The following CMIP variants were observed in gnomAD, a reference collection of about 807,000 sequenced individuals.
CMIP encodes the protein c-Maf inducing protein, also known as C-Maf-inducing protein.
A neutral mutation model predicts 97.3 loss-of-function variants in CMIP; 13 were observed. The observed-to-expected ratio is 0.13, with a 90% CI of 0.09 to 0.21. The LOEUF (loss-of-function observed/expected upper bound fraction) is 0.21. Ranked by LOEUF, CMIP falls within the 10% of genes least tolerant of loss-of-function variation. The pLI is 1.00. For synonymous variants in CMIP, 538 were observed against 436.3 expected (o/e 1.23, Z -2.91); for missense variants, 847 against 1,024.9 (o/e 0.83, Z 2.37).
chr16:81,705,760 G>T (rs1196053355), intron 19 of CMIP, among the ~76,000 whole-genome samples, 156 bp downstream of exon 19: 1 of 152,238 alleles, frequency 6.6e-6, no homozygotes, highest in African/African-American at 2.4e-5. Flanking sequence ...TGTGGACCAG[G>T]CACCATTCCA....
chr16:81,463,632 C>T (rs1335083859), intron 1 of CMIP, among the ~76,000 whole-genome samples: 1 of 152,202 alleles, frequency 6.6e-6, no homozygotes, highest in Non-Finnish European at 1.5e-5. Flanking sequence ...ATAATGGAAC[C>T]TGCCATTTCT....
chr16:81,467,967 T>G (rs1907307738), intron 1 of CMIP, among the ~76,000 whole-genome samples: 1 of 150,430 alleles, frequency 6.6e-6, no homozygotes, highest in Non-Finnish European at 1.5e-5. Context: ...GCTTACTGCA[T>G]TCTCAACCTC....
chr16:81,488,748 G>A (rs1451025774), intron 1 of CMIP, among the ~76,000 whole-genome samples: 2 of 152,104 alleles, frequency 1.3e-5, no homozygotes, highest in South Asian at 2.1e-4. Flanking sequence ...ACTCCTCTTC[G>A]GGAACTCTCC....
At chr16:81,578,246 C>T (rs117904385) in intron 1 of CMIP, among the ~76,000 whole-genome samples, 349 of 152,344 alleles carry the variant, frequency 2.3e-3, no homozygotes, top group Non-Finnish European at 4.4e-3. Flanking sequence ...TCACCACCAT[C>T]ATCTTCGTCA....
rs2092578153 is a variant in CMIP at position 81,664,160 on chromosome 16, A to T, written c.745-109A>T. 3 of 976,278 alleles carry T rather than the reference A, an allele frequency of 3.1e-6. No homozygotes were observed. In the African/African-American group the frequency reaches 5.0e-5, roughly 16 times the overall value. 60.5% of individuals were successfully genotyped at this position (976,278 alleles called of 1,614,324 possible). A position where few individuals can be genotyped will look rare whatever the true frequency, so the allele number is the denominator to read the frequency against. On this transcript the variant is annotated intron_variant, in intron 6 of 20. Transcript: ENST00000537098. ...GCAGTGCAGCCGTGTTCATCAAGGGAACCCAGGCACCCACAGCTGGGCTGA... is the reference window on the plus strand; with the variant it reads ...GCAGTGCAGCCGTGTTCATCAAGGGTACCCAGGCACCCACAGCTGGGCTGA...
Position 81,678,498 on chromosome 16 carries a change from G to C in CMIP, c.1258G>C (p.Ala420Pro). 3 of 1,599,926 alleles carry C rather than the reference G, an allele frequency of 1.9e-6. No homozygotes were observed. Among genetic ancestry groups the C allele is most frequent in the East Asian group, 2.3e-5 (1 of 44,130 alleles). The change falls in exon 10 of 21, where the codon GCA (alanine) becomes CCA (proline). Residue 420 changes from alanine (A) to proline (P), a missense_variant. By Grantham distance (27) the Ala-to-Pro change is conservative (BLOSUM62 -1). Around this residue, in one of 4 missense-constraint regions of CMIP, gnomAD observed 202 missense variants for 168.7 expected, o/e 1.20. Coordinates refer to ENST00000537098, the MANE Select transcript of CMIP (RefSeq NM_198390.3). ...STAKPALTAS[A>P]GNDSEPNLID... ...TGCCAAGCCGGCGCTGACGGCCAGC[G>C]CAGGCAACGACAGCGAGCCCAACCT...
At chr16:81,546,025 G>A (rs189473284) in intron 1 of CMIP, among the ~76,000 whole-genome samples, 15 of 152,256 alleles carry the variant, frequency 9.9e-5, no homozygotes, top group Admixed American at 8.5e-4. Flanking sequence ...CGCAAATGGC[G>A]CTCGCTGTGA....
At chr16:81,564,385 G>A (rs953689596) in intron 1 of CMIP, among the ~76,000 whole-genome samples, 3 of 152,186 alleles carry the variant, frequency 2.0e-5, no homozygotes, top group East Asian at 1.9e-4. Context: ...GTGTCTTTAC[G>A]AGTGTGTGTT....
At chr16:81,680,175 G>C (rs1209323709) in intron 10 of CMIP, among the ~76,000 whole-genome samples, 1 of 152,260 alleles carries the variant, frequency 6.6e-6, no homozygotes, top group Admixed American at 6.5e-5. Context: ...CGGAAGCCCG[G>C]TGCCTGGGGT....
rs192863403 is a variant in CMIP at position 81,614,453 on chromosome 16, C to A, written c.427-6423C>A. 1.8e-4 allele frequency among the ~76,000 whole-genome samples: 27 copies of A among 152,272 alleles called. No homozygotes were observed. Among genetic ancestry groups the A allele is most frequent in the Admixed American group, 1.8e-3 (27 of 15,294 alleles). ...CTCGTTGCATTGGCCTGTGTGCTTG[C>A]CAGGAGCCCGGAGGGAAGAGACCTG... On this transcript the variant is annotated intron_variant, in intron 2 of 20. Transcript: ENST00000537098. The surrounding 1 kb of genome is among the most constrained non-coding windows in gnomAD (Gnocchi z 5.3).
At position 81,445,032 on chromosome 16, in the gene CMIP, C is replaced by T. The variant is rs1419489415; in HGVS notation, c.-210C>T. 1.6e-5 allele frequency: 3 copies of T among 188,612 alleles called. No homozygotes were observed. The East Asian group carries it at 3.9e-4, about 25-fold the overall frequency. The allele number at this position is 188,612 out of a possible 1,614,324, so 11.7% of individuals were successfully genotyped here. A position where few individuals can be genotyped will look rare whatever the true frequency, so the allele number is the denominator to read the frequency against. Reference sequence around the variant, plus strand: ...GACGAGCTAGGAGGAAGCCCGGAGCCCCGCAGGAAGCGCCGAGGCCGGCCC... The same window carrying T: ...GACGAGCTAGGAGGAAGCCCGGAGCTCCGCAGGAAGCGCCGAGGCCGGCCC... On this transcript the variant is annotated 5_prime_UTR_variant, in exon 1 of 21. Transcript: ENST00000537098.
intron 1 of CMIP, among the ~76,000 whole-genome samples, chr16:81,558,174 T>C (rs1259658329): frequency 6.6e-6 from 1 of 152,230 alleles, no homozygotes; most frequent in African/African-American, 2.4e-5. Context: ...TGCACCATGC[T>C]TCTCCATCCG....
chr16:81,582,972 C>T (rs1433739019), intron 1 of CMIP, among the ~76,000 whole-genome samples: 3 of 152,152 alleles, frequency 2.0e-5, no homozygotes, highest in Non-Finnish European at 1.5e-5. Flanking sequence ...GCAGATGCTC[C>T]AAGGGACAAT....
chr16:81,692,986 C>G (rs1597258173), intron 11 of CMIP, among the ~76,000 whole-genome samples, 172 bp from the exon 12 acceptor site: 1 of 152,264 alleles, frequency 6.6e-6, no homozygotes, highest in East Asian at 1.9e-4. Context: ...TCAAAGAAGG[C>G]CTTTGTTTTG....
At chr16:81,673,536 A>G (rs148739240) in intron 9 of CMIP, among the ~76,000 whole-genome samples, 6 of 135,346 alleles carry the variant, frequency 4.4e-5, no homozygotes, top group Admixed American at 3.0e-4. Context: ...AAATAAATAA[A>G]TAAGAAAGCA....
chr16:81,678,169 C>A, intron 9 of CMIP, 106 bp from the exon 10 acceptor site: 2 of 753,410 alleles, frequency 2.7e-6, no homozygotes, highest in Non-Finnish European at 4.2e-6. Context: ...GATAGTATTA[C>A]ATTTTGGCCT....
At chr16:81,670,283 G>A (rs962547104) in intron 8 of CMIP, 38 bp downstream of exon 8, 3 of 1,571,042 alleles carry the variant, frequency 1.9e-6, no homozygotes, top group Non-Finnish European at 2.6e-6. Context: ...TGGCCTAGGA[G>A]CCACTTTCCT....
intron 1 of CMIP, among the ~76,000 whole-genome samples, chr16:81,582,124 C>G (rs996649203): frequency 6.6e-6 from 1 of 152,062 alleles, no homozygotes. Context: ...GCCAACAATA[C>G]CAAGAGGGAT....
In CMIP at chr16:81,693,375, C is replaced by G. The variant is rs375388275; in HGVS notation, c.1482-64C>G. 169 of 1,577,568 alleles carry G rather than the reference C, an allele frequency of 1.1e-4. 1 individual carries two copies. The African/African-American group carries it at 1.7e-3, about 16-fold the overall frequency. On this transcript the variant is annotated intron_variant, in intron 12 of 20. Transcript: ENST00000537098. The stretch of plus-strand genomic sequence containing the variant: ...TTCTTCCTTGACACCATCCCCTCCC[C>G]TTCCCACACCTCCCACTCAGTTCCA...
Sources: gnomAD v4.1 joint callset for allele counts (sites outside exome capture counted in the v4.1 genomes callset) on GRCh38, gnomAD v4.1.1 for gene constraint, gnomAD v4.1.1 regional missense constraint, Gnocchi (gnomAD v3.1) non-coding constraint, MANE v1.5 for transcripts, NCBI Gene and HGNC (gene_info 2026-07-23, HGNC 2026-07-21) for gene names.